Variants in MAP3K1 observed in about 807,000 individuals in gnomAD.
MAP3K1 encodes MAP/ERK kinase kinase 1.
MAP3K1 carries 36 observed loss-of-function variants against 144.2 expected under a neutral mutation model. The ratio of observed to expected loss-of-function variants is 0.25; its 90% CI spans 0.19 to 0.33. The LOEUF (loss-of-function observed/expected upper bound fraction) is 0.33. MAP3K1 is among the 10% of genes least tolerant of loss of function. The pLI is 1.00. For missense variants in MAP3K1, 1,650 were observed against 1,881.9 expected (o/e 0.88, Z 2.28); for synonymous variants, 718 against 688.7 (o/e 1.04, Z -0.67).
intron 19 of MAP3K1, 31 bp from the exon 20 acceptor site, chr5:56,893,500 C>T: frequency 6.2e-7 from 1 of 1,612,460 alleles, no homozygotes; most frequent in South Asian, 1.1e-5. Context: ...TACAGTTGTG[C>T]AAAGCTTCAA....
chr5:56,881,582 G>A lies in MAP3K1; in HGVS notation c.2382G>A (p.Leu794=). Residue 794 remains leucine (L), a synonymous_variant, in exon 14 of 20, where the codon CTG becomes CTA. Transcript: ENST00000399503. ...TTTTTTCTTTCAGGTATAAGAAGCT[G>A]CTGTCCCTCTTAACCTTTGCTTTGC... ...AEPVEIRYKK[L]LSLLTFALQS... 6.2e-7 allele frequency: 1 copy of A among 1,612,262 alleles called. No individual in the cohort carries two copies. The highest frequency in any genetic ancestry group is 1.3e-5 in the African/African-American group (1 of 74,992).
At chr5:56,816,076 C>A (rs2111729078) in intron 1 of MAP3K1, 21 bp downstream of exon 1, 5 of 1,207,696 alleles carry the variant, frequency 4.1e-6, no homozygotes, top group African/African-American at 3.2e-5. Flanking sequence ...CGGCCGGGGT[C>A]GCGGCGGGGA....
At chr5:56,839,103 C>G (rs376960689) in intron 1 of MAP3K1, among the ~76,000 whole-genome samples, 1 of 152,142 alleles carries the variant, frequency 6.6e-6, no homozygotes, top group Non-Finnish European at 1.5e-5. Flanking sequence ...GGTCAAGTTG[C>G]GAATCCAAAG....
Position 56,888,348 on chromosome 5 carries a change from G to A in MAP3K1, c.4380G>A (p.Leu1460=). 6.2e-7 allele frequency: 1 copy of A among 1,613,986 alleles called. No homozygotes were observed. The highest frequency in any genetic ancestry group is 8.5e-7 in the Non-Finnish European group (1 of 1,179,970). ...AAAAACACTCCAATCATCTTGCTTT[G>A]ATATTTAAGGTAATTGTGAGATAAA... ...NAEKHSNHLA[L]IFKIASATTA... The change falls in exon 19 of 20, where the codon TTG becomes TTA. Residue 1460 remains leucine, a synonymous_variant. Transcript: ENST00000399503.
At chr5:56,853,894 G>A (rs936607414) in intron 1 of MAP3K1, among the ~76,000 whole-genome samples, 7 of 151,868 alleles carry the variant, frequency 4.6e-5, no homozygotes, top group African/African-American at 1.7e-4. Context: ...TTTAGTCTAA[G>A]CCCGGGGGGA....
chr5:56,872,162 G>C, intron 7 of MAP3K1, 131 bp downstream of exon 7: 1 of 1,195,612 alleles, frequency 8.4e-7, no homozygotes. Flanking sequence ...TAAGTCCTAA[G>C]TCCTATGTGA....
chr5:56,817,502 A>G (rs1462594946), intron 1 of MAP3K1, among the ~76,000 whole-genome samples: 4 of 152,232 alleles, frequency 2.6e-5, no homozygotes, highest in South Asian at 2.1e-4. Context: ...CCCAAGAACT[A>G]AAAAATATGC....
intron 1 of MAP3K1, among the ~76,000 whole-genome samples, chr5:56,845,262 A>G (rs986291953): frequency 6.6e-6 from 1 of 152,246 alleles, no homozygotes; most frequent in African/African-American, 2.4e-5. Context: ...TTGACCACTT[A>G]GAAGTATACT....
At chr5:56,838,892 G>T (rs912366856) in intron 1 of MAP3K1, among the ~76,000 whole-genome samples, 1 of 151,284 alleles carries the variant, frequency 6.6e-6, no homozygotes, top group Non-Finnish European at 1.5e-5. Flanking sequence ...TGGCCCAGAA[G>T]GTTTTTTGTT....
At position 56,827,910 on chromosome 5, in the gene MAP3K1, A is replaced by G. The variant is rs533891124; in HGVS notation, c.482+11855A>G. 1.1e-4 allele frequency among the ~76,000 whole-genome samples: 17 copies of G among 151,886 alleles called. No individual in the cohort carries two copies. In the East Asian group the frequency reaches 3.1e-3, roughly 28 times the overall value. ...GCCCTAGGAATTAGACCTGTTAGCT[A>G]CTTGGACCCCAGGGAAGTCACTTCT... On this transcript the variant is annotated intron_variant, in intron 1 of 19. Transcript: ENST00000399503.
intron 6 of MAP3K1, among the ~76,000 whole-genome samples, chr5:56,870,619 A>G (rs554942946): frequency 6.6e-6 from 1 of 152,318 alleles, no homozygotes; most frequent in Admixed American, 6.5e-5. Context: ...TTTTAAACAA[A>G]TACAAAGTCA....
At chr5:56,816,170 C>T (rs1185731225) in intron 1 of MAP3K1, 115 bp downstream of exon 1, 1 of 1,072,694 alleles carries the variant, frequency 9.3e-7, no homozygotes, top group African/African-American at 1.7e-5. Flanking sequence ...GGCTACGCGC[C>T]GCTCGCCGGG....
intron 1 of MAP3K1, among the ~76,000 whole-genome samples, chr5:56,835,339 CAGGGAAGAGTTG>C (rs1746615896): frequency 1.7e-5 from 2 of 114,630 alleles, no homozygotes; most frequent in Non-Finnish European, 3.9e-5. Flanking sequence ...GACAAGGAGG[CAGGGAAGAGTTG>C]ACAGGAAGGC....
intron 9 of MAP3K1, among the ~76,000 whole-genome samples, 164 bp from the exon 10 acceptor site, chr5:56,874,868 C>T (rs1458815314): frequency 6.6e-6 from 1 of 152,076 alleles, no homozygotes; most frequent in Non-Finnish European, 1.5e-5. Context: ...AAAATTCTTC[C>T]TTATGATGCT....
intron 1 of MAP3K1, among the ~76,000 whole-genome samples, chr5:56,828,283 T>G (rs904636821): frequency 6.6e-6 from 1 of 152,230 alleles, no homozygotes; most frequent in Non-Finnish European, 1.5e-5. Flanking sequence ...CTCAGGGTTC[T>G]TATCTCTGTG....
At chr5:56,886,948 A>G (rs193070308) in intron 17 of MAP3K1, among the ~76,000 whole-genome samples, 5 of 151,854 alleles carry the variant, frequency 3.3e-5, no homozygotes, top group Non-Finnish European at 5.9e-5. Flanking sequence ...TTTTGTAGAG[A>G]TGGGGTTTTG....
At position 56,881,100 on chromosome 5, in the gene MAP3K1, G is replaced by C; in HGVS notation, c.2197G>C (p.Gly733Arg). The C allele has an allele frequency of 6.2e-7, 1 of 1,612,366 alleles. No individual in the cohort carries two copies. Among genetic ancestry groups the C allele is most frequent in the Non-Finnish European group, 8.5e-7 (1 of 1,178,846 alleles). ...TTTTGTAGGATCCATTGGTATTGGT[G>C]GTGTTGATTATGTCTTAAATTGTAT... Reference protein sequence around the residue: ...ILKAGSIGIGGVDYVLNCILG... With the variant: ...ILKAGSIGIGRVDYVLNCILG... Residue 733 changes from glycine (G) to arginine (R), a missense_variant, in exon 13 of 20, where the codon GGT (glycine) becomes CGT (arginine). Physicochemically the swap from Gly to Arg is moderately radical, Grantham distance 125 (BLOSUM62 -2). Around this residue, in one of 6 missense-constraint regions of MAP3K1, gnomAD observed 841 missense variants for 886.5 expected, o/e 0.95. Coordinates refer to ENST00000399503, the MANE Select transcript of MAP3K1 (RefSeq NM_005921.2).
intron 19 of MAP3K1, among the ~76,000 whole-genome samples, chr5:56,891,065 C>G (rs1410037383): frequency 1.3e-5 from 2 of 151,454 alleles, no homozygotes; most frequent in Non-Finnish European, 1.5e-5. Flanking sequence ...TAAGTTTTCT[C>G]TTTTGTAGAC....
chr5:56,842,027 A>G (rs1254003292), intron 1 of MAP3K1: 2 of 152,346 alleles, frequency 1.3e-5, no homozygotes, highest in South Asian at 4.1e-4. Flanking sequence ...GTATTTAATA[A>G]ATGTTAATAT....
Sources: gnomAD v4.1 joint callset for allele counts (sites outside exome capture counted in the v4.1 genomes callset) on GRCh38, gnomAD v4.1.1 for gene constraint, gnomAD v4.1.1 regional missense constraint, MANE v1.5 for transcripts, NCBI Gene and HGNC (gene_info 2026-07-23, HGNC 2026-07-21) for gene names.